The following CLVS1 variants were observed in gnomAD, a reference collection of about 807,000 sequenced individuals.
CLVS1 encodes clavesin 1.
Under a neutral mutation model 33.1 loss-of-function variants are expected in CLVS1, and 10 were observed. That is an observed-to-expected ratio of 0.30 (90% CI 0.19 to 0.51). The LOEUF is 0.51. CLVS1 is among the 20% of genes least tolerant of loss of function. The pLI is 0.97. For synonymous variants in CLVS1, 163 were observed against 166.1 expected (o/e 0.98, Z 0.14); for missense variants, 343 against 433.4 (o/e 0.79, Z 1.85).
Position 61,206,290 on chromosome 8 carries a change from G to A in CLVS1, c.-152+74430G>A, listed in dbSNP as rs1024998755. 3.9e-5 allele frequency among the ~76,000 whole-genome samples: 6 copies of A among 152,114 alleles called. 1 individual carries two copies. In the South Asian group the frequency reaches 1.2e-3, roughly 32 times the overall value. ...TTGGCAGAGTAATATCCCCACTAAC[G>A]TCATTAATCCAATGAGTATATATTC... On this transcript the variant is annotated intron_variant, in intron 2 of 2. Coordinates refer to the CLVS1 transcript ENST00000522621.
At chr8:61,448,043 T>C (rs1816819400) in intron 3 of CLVS1, among the ~76,000 whole-genome samples, 1 of 150,948 alleles carries the variant, frequency 6.6e-6, no homozygotes, top group Non-Finnish European at 1.5e-5. Flanking sequence ...TGACAGTTCC[T>C]TTTTTTCAGT....
intron 3 of CLVS1, among the ~76,000 whole-genome samples, chr8:61,406,555 G>A (rs958020455): frequency 1.3e-5 from 2 of 151,914 alleles, no homozygotes; most frequent in Non-Finnish European, 2.9e-5. Flanking sequence ...GGAAGAAAAT[G>A]TAAGCTAGTT....
chr8:61,175,288 A>G (rs1807092553), intron 2 of CLVS1, among the ~76,000 whole-genome samples: 1 of 152,192 alleles, frequency 6.6e-6, no homozygotes, highest in Non-Finnish European at 1.5e-5. Flanking sequence ...CCCTTATAAA[A>G]GAAGCCCCAG....
At chr8:61,133,479 T>C (rs1318661913) in intron 2 of CLVS1, among the ~76,000 whole-genome samples, 1 of 152,066 alleles carries the variant, frequency 6.6e-6, no homozygotes, top group Non-Finnish European at 1.5e-5. Context: ...TAGGGCTGTT[T>C]ATGGAGGTGA....
At chr8:61,379,136 G>A (rs1238899872) in intron 3 of CLVS1, among the ~76,000 whole-genome samples, 1 of 152,168 alleles carries the variant, frequency 6.6e-6, no homozygotes, top group East Asian at 1.9e-4. Flanking sequence ...TGGACATGTG[G>A]GAGGTTGTGA....
chr8:61,451,905 T>A (rs1042151367), intron 3 of CLVS1, among the ~76,000 whole-genome samples: 2 of 152,082 alleles, frequency 1.3e-5, no homozygotes, highest in Non-Finnish European at 2.9e-5. Flanking sequence ...GCACATTGCC[T>A]TTATCAGACA....
At chr8:61,334,270 C>T (rs1293132672) in intron 2 of CLVS1, among the ~76,000 whole-genome samples, 1 of 152,202 alleles carries the variant, frequency 6.6e-6, no homozygotes, top group African/African-American at 2.4e-5. Flanking sequence ...GAAGGAGACA[C>T]TCTTAAACAA....
chr8:61,463,750 T>C (rs1250364165), intron 5 of CLVS1, among the ~76,000 whole-genome samples: 1 of 151,940 alleles, frequency 6.6e-6, no homozygotes, highest in Non-Finnish European at 1.5e-5. Flanking sequence ...TTATCACAGA[T>C]CACCATAGCA....
At chr8:61,364,632 A>T (rs374530749) in intron 2 of CLVS1, among the ~76,000 whole-genome samples, 64 of 152,350 alleles carry the variant, frequency 4.2e-4, no homozygotes, top group Middle Eastern at 3.4e-3. Flanking sequence ...TTTAAAACTT[A>T]AATCAGACTA....
the CLVS1 span, among the ~76,000 whole-genome samples, chr8:61,049,196 A>G: frequency 6.6e-6 from 1 of 152,220 alleles, no homozygotes; most frequent in Non-Finnish European, 1.5e-5. Context: ...CTTTTCTACA[A>G]CAGTCCAGAA....
chr8:61,251,373 TG>T (rs1174778280), intron 2 of CLVS1, among the ~76,000 whole-genome samples: 3 of 152,210 alleles, frequency 2.0e-5, no homozygotes, highest in East Asian at 1.9e-4. Flanking sequence ...CGTGAAATTT[TG>T]TTTTTTTGTG....
chr8:61,437,876 T>C (rs762625010), intron 3 of CLVS1, among the ~76,000 whole-genome samples: 2 of 152,230 alleles, frequency 1.3e-5, no homozygotes, highest in Non-Finnish European at 2.9e-5. Context: ...GTTCAAATTT[T>C]ACTGATGTGT....
the CLVS1 span, among the ~76,000 whole-genome samples, chr8:60,983,548 G>A: frequency 6.6e-6 from 1 of 152,166 alleles, no homozygotes. Context: ...TAACCAGCAA[G>A]GAATTATTTC....
At chr8:61,336,369 A>G (rs1436934472) in intron 2 of CLVS1, among the ~76,000 whole-genome samples, 1 of 152,228 alleles carries the variant, frequency 6.6e-6, no homozygotes, top group Non-Finnish European at 1.5e-5. Context: ...TTCCAAATAT[A>G]GAGGATAGTA....
chr8:61,376,908 T>C, intron 3 of CLVS1, 129 bp downstream of exon 3: 1 of 792,458 alleles, frequency 1.3e-6, no homozygotes, highest in Non-Finnish European at 1.9e-6. Flanking sequence ...ATCTGAGTAC[T>C]CCATGTTTTT....
chr8:61,403,793 G>A (rs1814866959), intron 3 of CLVS1, among the ~76,000 whole-genome samples: 1 of 152,170 alleles, frequency 6.6e-6, no homozygotes, highest in East Asian at 1.9e-4. Context: ...GGATTTGTAT[G>A]TACTAAAACA....
At chr8:61,063,261 G>GAC (rs1804615156) in intron 1 of CLVS1, among the ~76,000 whole-genome samples, 1 of 55,222 alleles carries the variant, frequency 1.8e-5, no homozygotes, top group African/African-American at 1.1e-4. Flanking sequence ...GTGAGGAAGC[G>GAC]AGAGAGAGAG....
chr8:61,143,898 A>G (rs1410806970), intron 2 of CLVS1, among the ~76,000 whole-genome samples: 1 of 149,192 alleles, frequency 6.7e-6, no homozygotes, highest in Admixed American at 6.7e-5. Context: ...ATATGGGATT[A>G]ACCACCCAAG....
chr8:61,243,385 G>A (rs992103193), intron 2 of CLVS1, among the ~76,000 whole-genome samples: 2 of 152,146 alleles, frequency 1.3e-5, no homozygotes, highest in Non-Finnish European at 2.9e-5. Flanking sequence ...TATACAGACT[G>A]GTATTCATCT....
Sources: gnomAD v4.1 joint callset for allele counts (sites outside exome capture counted in the v4.1 genomes callset) on GRCh38, gnomAD v4.1.1 for gene constraint, MANE v1.5 for transcripts, NCBI Gene and HGNC (gene_info 2026-07-23, HGNC 2026-07-21) for gene names.